The following PAXIP1 variants were observed in gnomAD, a reference collection of about 807,000 sequenced individuals.
PAXIP1 encodes PAX interacting protein 1, also known as PAX-interacting protein 1.
PAXIP1 carries 19 observed loss-of-function variants against 140.6 expected under a neutral mutation model. The observed-to-expected ratio is 0.14, with a 90% confidence interval of 0.09 to 0.20. The LOEUF is 0.20. Ranked by LOEUF, PAXIP1 falls within the 10% of genes least tolerant of loss-of-function variation. PAXIP1 has a pLI of 1.00. For synonymous variants in PAXIP1, 442 were observed against 444.6 expected, an observed-to-expected ratio of 0.99 and a Z score of 0.07; for missense variants, 920 against 1,208.6, an observed-to-expected ratio of 0.76 and a Z score of 3.54.
chr7:155,000,212 G>A (rs779593109), intron 1 of PAXIP1: 3 of 152,018 alleles, frequency 2.0e-5, no homozygotes, highest in African/African-American at 2.4e-5. Flanking sequence ...ATACTTTACC[G>A]ACCACTAATA....
At chr7:154,944,271 G>C in intron 20 of PAXIP1, 107 bp from the exon 21 acceptor site, 4 of 942,774 alleles carry the variant, frequency 4.2e-6, no homozygotes, top group East Asian at 2.7e-5. Context: ...TTGAAGGAAT[G>C]CTACAGCCTC....
intron 6 of PAXIP1, among the ~76,000 whole-genome samples, chr7:154,971,334 T>C (rs4960653): frequency 0.5 from 75,689 of 152,070 alleles, 20,291 homozygotes; most frequent in Middle Eastern, 0.63. Context: ...TGGGTCTTCA[T>C]CCACTGCTGA....
chr7:154,982,673 TC>T (rs1809897096), intron 5 of PAXIP1, among the ~76,000 whole-genome samples: 1 of 152,102 alleles, frequency 6.6e-6, no homozygotes, highest in Admixed American at 6.5e-5. Context: ...TTCTAACAAG[TC>T]CCCAAGGGGG....
At position 154,976,336 on chromosome 7, in the gene PAXIP1, G is replaced by A. The variant is rs747243960; in HGVS notation, c.439-5C>T. 2.4e-5 allele frequency: 38 copies of A among 1,557,354 alleles called. No homozygotes were observed. The highest frequency in any genetic ancestry group is 4.5e-5 in the East Asian group (2 of 44,294). ...TAAAGCACATTCGTATTTCTCCTACGAGGAAAGCAGAAACACACACAAAAC... is the reference window on the plus strand; with the variant it reads ...TAAAGCACATTCGTATTTCTCCTACAAGGAAAGCAGAAACACACACAAAAC... On this transcript the variant is annotated splice_region_variant and splice_polypyrimidine_tract_variant and intron_variant, in intron 5 of 20. Coordinates refer to ENST00000404141, the MANE Select transcript of PAXIP1 (RefSeq NM_007349.4).
chr7:154,993,856 T>A, intron 2 of PAXIP1, 87 bp from the exon 3 acceptor site: 1 of 957,696 alleles, frequency 1.0e-6, no homozygotes. Flanking sequence ...AAATTAAAAG[T>A]CTCTGTTACA....
chr7:154,979,957 G>T (rs549001403), intron 5 of PAXIP1, among the ~76,000 whole-genome samples: 5 of 152,072 alleles, frequency 3.3e-5, no homozygotes, highest in Non-Finnish European at 7.4e-5. Context: ...TGAAACTAAC[G>T]CAGTGACACT....
chr7:154,989,525 C>T (rs578109771), intron 4 of PAXIP1, among the ~76,000 whole-genome samples: 57 of 152,264 alleles, frequency 3.7e-4, no homozygotes, highest in African/African-American at 1.2e-3. Context: ...GATGGGACAT[C>T]CTACAGTGCA....
Position 154,963,869 on chromosome 7 carries a change from T to C in PAXIP1, c.1894-103A>G, listed in dbSNP as rs1808879579. On this transcript the variant is annotated intron_variant, in intron 8 of 20. Transcript: ENST00000404141. The surrounding 1 kb of genome is among the most constrained non-coding windows in gnomAD (Gnocchi z 4.1). ...ATTAAAAGACTCTATCATATATTTA[T>C]ATCATGTATTTCCTCAAAGTATCAA... 6.7e-6 allele frequency: 5 copies of C among 750,504 alleles called. No individual in the cohort carries two copies. Among genetic ancestry groups the C allele is most frequent in the South Asian group, 1.5e-5 (1 of 64,644 alleles). The allele number at this position is 750,504 out of a possible 1,614,324, so 46.5% of individuals were successfully genotyped here.
chr7:154,970,463 T>G (rs1438796771), intron 6 of PAXIP1, among the ~76,000 whole-genome samples: 26 of 152,226 alleles, frequency 1.7e-4, no homozygotes. Context: ...TAAAATCACC[T>G]TATGTATGAG....
intron 10 of PAXIP1, among the ~76,000 whole-genome samples, 180 bp downstream of exon 10, chr7:154,962,141 C>A (rs1808781091): frequency 6.6e-6 from 1 of 152,180 alleles, no homozygotes; most frequent in African/African-American, 2.4e-5. Context: ...GTGACTGTTA[C>A]ACAGAACTAA....
intron 5 of PAXIP1, among the ~76,000 whole-genome samples, 153 bp downstream of exon 5, chr7:154,983,066 G>A (rs1809916005): frequency 6.6e-6 from 1 of 152,076 alleles, no homozygotes; most frequent in Non-Finnish European, 1.5e-5. Flanking sequence ...CATCGTTTGT[G>A]GAATGAAGCT....
At chr7:154,999,602 G>T (rs1161168399) in intron 1 of PAXIP1, among the ~76,000 whole-genome samples, 1 of 152,174 alleles carries the variant, frequency 6.6e-6, no homozygotes, top group Non-Finnish European at 1.5e-5. Context: ...GTCTGGAAGG[G>T]GTATAAGCAA....
At chr7:154,967,777 C>G (rs749921299) in intron 8 of PAXIP1, 39 bp downstream of exon 8, 1 of 1,402,252 alleles carries the variant, frequency 7.1e-7, no homozygotes, top group Non-Finnish European at 1.0e-6. Flanking sequence ...AAAGAAGCAT[C>G]TTCAGACACA....
Position 154,955,578 on chromosome 7 carries a change from A to G in PAXIP1, c.2603T>C (p.Phe868Ser). The change falls in exon 15 of 21, where the codon TTT (phenylalanine) becomes TCT (serine). Residue 868 changes from phenylalanine (F) to serine (S), a missense_variant. By Grantham distance (155) the Phe-to-Ser change is radical. This residue lies in a region of PAXIP1 where 303 missense variants were observed against 517.9 expected (regional missense o/e 0.59). Transcript: ENST00000404141. ...TKKLTPELTP[F>S]VLFTGFEPVQ... ...AGGCTCGAATCCAGTGAAAAGCACAAAAGGGGTCAATTCTGGAGTTAGCTT... is the reference window on the plus strand; with the variant it reads ...AGGCTCGAATCCAGTGAAAAGCACAGAAGGGGTCAATTCTGGAGTTAGCTT... 6.2e-7 allele frequency: 1 copy of G among 1,607,388 alleles called. No individual in the cohort carries two copies.
intron 8 of PAXIP1, chr7:154,965,107 CAA>C (rs1482470806): frequency 1.3e-5 from 2 of 152,234 alleles, no homozygotes; most frequent in African/African-American, 4.8e-5. Flanking sequence ...AACTCAGTCA[CAA>C]AAGACACCAT....
chr7:154,959,982 A>G, intron 12 of PAXIP1, 49 bp from the exon 13 acceptor site: 7 of 1,251,812 alleles, frequency 5.6e-6, no homozygotes, highest in Non-Finnish European at 8.2e-6. Context: ...TTGTTTAAAT[A>G]AAAAGGCCTT....
rs61752011 is a variant in PAXIP1, at chr7:154,968,956, C to G, written c.1245G>C (p.Pro415=). 11 of 1,533,512 alleles carry G rather than the reference C, an allele frequency of 7.2e-6. No individual in the cohort carries two copies. Among genetic ancestry groups the G allele is most frequent in the African/African-American group, 4.1e-5 (3 of 72,428 alleles). 95.0% of individuals were successfully genotyped at this position (1,533,512 alleles called of 1,614,324 possible). ...QQAQQQQQQH[P]VLHLQPQQIM... is the part of the protein sequence containing the mutation. ...TCTGCTGGGGCTGAAGGTGTAAAAC[C>G]GGGTGCTGCTGCTGCTGCTGCTGGG... The change falls in exon 7 of 21, where the codon CCG becomes CCC. Residue 415 remains proline (P), a synonymous_variant. Coordinates refer to ENST00000404141, the MANE Select transcript of PAXIP1 (RefSeq NM_007349.4).
intron 4 of PAXIP1, chr7:154,983,804 A>G (rs986610556): frequency 6.5e-6 from 1 of 153,844 alleles, no homozygotes; most frequent in Non-Finnish European, 1.4e-5. Context: ...ATAAAAATAA[A>G]GATAAAAATA....
rs375884480 is a variant in PAXIP1 at position 154,953,030 on chromosome 7, T to C, written c.2821+1225A>G. 3.9e-5 allele frequency among the ~76,000 whole-genome samples: 6 copies of C among 152,328 alleles called. No individual in the cohort carries two copies. In the East Asian group the frequency reaches 7.7e-4, roughly 20 times the overall value. ...CACTTCTAATTTATTTACATAAACA[T>C]GAATTATATTTAAAATCTGTGGCCA... is the stretch of plus-strand genomic sequence containing the variant. On this transcript the variant is annotated intron_variant, in intron 16 of 20. Coordinates refer to ENST00000404141, the MANE Select transcript of PAXIP1 (RefSeq NM_007349.4).
Sources: allele counts gnomAD v4.1 joint callset (sites outside exome capture counted in the v4.1 genomes callset), GRCh38; gene constraint gnomAD v4.1.1; regional missense constraint gnomAD v4.1.1; non-coding constraint Gnocchi (gnomAD v3.1); transcripts MANE v1.5; gene names NCBI Gene and HGNC (gene_info 2026-07-23, HGNC 2026-07-21).